The following MPHOSPH9 variants were observed in gnomAD, a reference collection of about 807,000 sequenced individuals.
MPHOSPH9 encodes the protein M-phase phosphoprotein 9.
In MPHOSPH9, 88 loss-of-function variants were observed where a neutral mutation model predicts 145.5. That is an observed-to-expected ratio of 0.60 (90% CI 0.51 to 0.72). The LOEUF is 0.72. Among genes scored for constraint, MPHOSPH9 ranks in the 30% least tolerant of loss-of-function variants. MPHOSPH9 has a pLI of 0.00. For missense variants in MPHOSPH9, 1,238 were observed against 1,386.6 expected, an observed-to-expected ratio of 0.89 and a Z score of 1.70; for synonymous variants, 435 against 486.2, an observed-to-expected ratio of 0.89 and a Z score of 1.39.
At chr12:123,181,730 T>C (rs1479796511) in intron 13 of MPHOSPH9, among the ~76,000 whole-genome samples, 1 of 150,090 alleles carries the variant, frequency 6.7e-6, no homozygotes, top group Non-Finnish European at 1.5e-5. Context: ...GACCCCGTCT[T>C]AAAAAAAAAT....
chr12:123,233,393 A>T (rs2047758044), upstream of MPHOSPH9: 1 of 152,282 alleles, frequency 6.6e-6, no homozygotes, highest in Non-Finnish European at 1.5e-5. Context: ...GTGAGTAAAC[A>T]TGAGCCTCTG....
chr12:123,174,851 G>A (rs1160659683), intron 16 of MPHOSPH9, among the ~76,000 whole-genome samples: 1 of 152,132 alleles, frequency 6.6e-6, no homozygotes, highest in African/African-American at 2.4e-5. Flanking sequence ...AGTTGTTTGA[G>A]AGAGAAACCA....
chr12:123,203,521 T>A (rs949637727), intron 8 of MPHOSPH9, 146 bp from the exon 9 acceptor site: 2 of 741,416 alleles, frequency 2.7e-6, no homozygotes, highest in Non-Finnish European at 2.1e-6. Context: ...AGCTTGGAAG[T>A]CATTACCTAG....
intron 13 of MPHOSPH9, among the ~76,000 whole-genome samples, chr12:123,186,447 T>C (rs1377039979): frequency 1.3e-5 from 2 of 152,172 alleles, no homozygotes; most frequent in African/African-American, 2.4e-5. Flanking sequence ...AGGGTTTTCA[T>C]TGTATCATTC....
chr12:123,211,684 CTTTTTTTT>C (rs147321517), intron 7 of MPHOSPH9, among the ~76,000 whole-genome samples: 887 of 67,806 alleles, frequency 0.013, 30 homozygotes, highest in Admixed American at 0.11. Context: ...TAGACAATTT[CTTTTTTTT>C]TTTTTTTTTT....
intron 1 of MPHOSPH9, among the ~76,000 whole-genome samples, chr12:123,231,699 AAAAAATAAAAAT>A: frequency 6.6e-6 from 1 of 152,016 alleles, no homozygotes; most frequent in South Asian, 2.1e-4. Flanking sequence ...CCCATCTCTT[AAAAAATAAAAAT>A]AAAAATAAAA....
At position 123,203,239 on chromosome 12, in the gene MPHOSPH9, GACA is replaced by G. The variant is rs1216021467; in HGVS notation, c.1320+8_1320+10del. On this transcript the variant is annotated splice_region_variant and intron_variant, in intron 9 of 23. Transcript: ENST00000606320. ...GTTCACGTTCACTCGGCAGAATGTG[GACA>G]ACTTTACCTCTGGTGGATGATTTGG... is the stretch of plus-strand genomic sequence containing the variant. 1 of 1,611,354 alleles carries G rather than the reference GACA, an allele frequency of 6.2e-7. No homozygotes were observed. Among genetic ancestry groups the G allele is most frequent in the Non-Finnish European group, 8.5e-7 (1 of 1,179,322 alleles).
chr12:123,224,338 G>C (rs1436721256), intron 3 of MPHOSPH9, among the ~76,000 whole-genome samples: 1 of 151,886 alleles, frequency 6.6e-6, no homozygotes, highest in East Asian at 1.9e-4. Flanking sequence ...GTTTCACCAT[G>C]TTAGCCAGGA....
chr12:123,193,090 A>ATATAT (rs1157506067), intron 13 of MPHOSPH9, among the ~76,000 whole-genome samples: 9 of 60,764 alleles, frequency 1.5e-4, no homozygotes, highest in African/African-American at 3.8e-4. Context: ...AAAAAAAAAA[A>ATATAT]AAAAAAATAT....
In MPHOSPH9 at chr12:123,156,874, C is replaced by T. The variant is rs147813082; in HGVS notation, c.3485G>A (p.Arg1162Gln). Residue 1162 changes from arginine to glutamine, a missense_variant, in exon 24 of 24, where the codon CGA (arginine) becomes CAA (glutamine). By Grantham distance (43) the Arg-to-Gln change is conservative. Transcript: ENST00000606320. ...CGTCATGCGAACTGAACCCAGTTCT[C>T]GATTAATCCTTTCCAAACGATCTTC... ...ALEDRLERIN[R>Q]ELGSVRMTLK... is the part of the protein sequence containing the mutation. 445 of 1,609,670 alleles carry T rather than the reference C, an allele frequency of 2.8e-4. No individual in the cohort carries two copies. In the African/African-American group the frequency reaches 4.9e-3, roughly 18 times the overall value.
rs193234194 is a variant in MPHOSPH9, at chr12:123,178,047, T to C, written c.2355-1258A>G. ...ATCCTGGCATTCATGCTGTTCTTTT[T>C]TCCCCCCTTTAAGAGATGAGGTCTC... On this transcript the variant is annotated intron_variant, in intron 15 of 23. Transcript: ENST00000606320. Among the ~76,000 whole-genome samples, 59 of 152,322 alleles carry C rather than the reference T, an allele frequency of 3.9e-4. 1 individual carries two copies. Among genetic ancestry groups the C allele is most frequent in the Admixed American group, 1.6e-3 (24 of 15,288 alleles).
chr12:123,157,100 A>G (rs1271256041), intron 23 of MPHOSPH9, among the ~76,000 whole-genome samples, 192 bp from the exon 24 acceptor site: 2 of 152,240 alleles, frequency 1.3e-5, no homozygotes, highest in Non-Finnish European at 2.9e-5. Flanking sequence ...ACTATTCCAA[A>G]TAACTGCTGT....
At chr12:123,187,996 G>A (rs1684727537) in intron 13 of MPHOSPH9, among the ~76,000 whole-genome samples, 1 of 152,092 alleles carries the variant, frequency 6.6e-6, no homozygotes, top group South Asian at 2.1e-4. Context: ...GCATGGTGGT[G>A]GGTGCCTGTA....
Position 123,223,120 on chromosome 12 carries a change from C to T in MPHOSPH9, c.266G>A (p.Trp89Ter). The change falls in exon 4 of 24, where the codon TGG becomes TAG. Residue 89 changes from tryptophan to a stop codon, truncating the protein, a stop_gained. Coordinates refer to ENST00000606320, the MANE Select transcript of MPHOSPH9 (RefSeq NM_022782.4). LOFTEE classifies it high-confidence loss of function. ...SELWKNCETRWLQLFNLVEKQ... is the reference protein window; with the variant it reads ...SELWKNCETR ...TTCCACCAAATTGAATAGCTGTAAC[C>T]ACCTGGTCTATTAAATTATAAAATA... 7.1e-7 allele frequency: 1 copy of T among 1,414,746 alleles called. No homozygotes were observed. The highest frequency in any genetic ancestry group is 1.6e-5 in the South Asian group (1 of 63,482). The allele number at this position is 1,414,746 out of a possible 1,614,324, so 87.6% of individuals were successfully genotyped here. A position where few individuals can be genotyped will look rare whatever the true frequency, so the allele number is the denominator to read the frequency against.
chr12:123,212,262 C>T (rs984897282), intron 7 of MPHOSPH9, among the ~76,000 whole-genome samples: 4 of 151,980 alleles, frequency 2.6e-5, no homozygotes, highest in African/African-American at 9.7e-5. Context: ...AGGGCATCAG[C>T]CATTTTAGCC....
At chr12:123,202,018 G>C in intron 11 of MPHOSPH9, 146 bp downstream of exon 11, 1 of 825,526 alleles carries the variant, frequency 1.2e-6, no homozygotes, top group Non-Finnish European at 1.8e-6. Context: ...TATAAGAGGG[G>C]GGTTTAGCTT....
At chr12:123,176,832 A>T (rs778840944) in intron 15 of MPHOSPH9, 43 bp from the exon 16 acceptor site, 2 of 1,436,848 alleles carry the variant, frequency 1.4e-6, no homozygotes, top group South Asian at 2.3e-5. Context: ...CATTTCAACA[A>T]ATGTAAAATA....
chr12:123,198,353 G>A lies in MPHOSPH9; in HGVS notation c.1938-19C>T, dbSNP rs1019092929. 2.5e-5 allele frequency: 40 copies of A among 1,573,710 alleles called. No homozygotes were observed. In the Middle Eastern group the frequency reaches 5.0e-4, roughly 20 times the overall value. Reference sequence around the variant, plus strand: ...GCCACATCTAAAAACCATAAATTTAGCTTCAATTAGAAGATAAAATTATTA... The same window carrying A: ...GCCACATCTAAAAACCATAAATTTAACTTCAATTAGAAGATAAAATTATTA... On this transcript the variant is annotated intron_variant, in intron 11 of 23. Transcript: ENST00000606320.
intron 15 of MPHOSPH9, 113 bp downstream of exon 15, chr12:123,179,813 G>C: frequency 2.0e-6 from 1 of 499,076 alleles, no homozygotes; most frequent in Non-Finnish European, 3.5e-6. Context: ...GACAAAACTA[G>C]TTCTCAAACT....
Sources: gnomAD v4.1 joint callset for allele counts (sites outside exome capture counted in the v4.1 genomes callset) on GRCh38, gnomAD v4.1.1 for gene constraint, MANE v1.5 for transcripts, NCBI Gene and HGNC (gene_info 2026-07-23, HGNC 2026-07-21) for gene names.